Variants in DGAT1 observed in about 807,000 individuals in gnomAD.
The protein encoded by DGAT1 is ACAT related gene product 1.
DGAT1 carries 60 observed loss-of-function variants against 72.6 expected under a neutral mutation model. The ratio of observed to expected loss-of-function variants is 0.83; its 90% CI spans 0.67 to 1.02. The LOEUF (loss-of-function observed/expected upper bound fraction) is 1.02, where lower values mean the gene tolerates loss of function less well. Among genes scored for constraint, DGAT1 ranks in the 50% least tolerant of loss-of-function variants. The pLI, the probability that DGAT1 is intolerant of heterozygous loss-of-function variation, is 0.00. For synonymous variants in DGAT1, 290 were observed against 267.5 expected, an observed-to-expected ratio of 1.08 and a Z score of -0.82; for missense variants, 592 against 670.0, an observed-to-expected ratio of 0.88 and a Z score of 1.29.
intron 7 of DGAT1, 44 bp from the exon 8 acceptor site, chr8:144,318,213 G>A (rs1796192323): frequency 6.2e-7 from 1 of 1,609,212 alleles, no homozygotes; most frequent in African/African-American, 1.3e-5. Context: ...GGGCCCTGCT[G>A]CTGCCCAGCC....
rs544680288 is a variant in DGAT1 at position 144,315,720 on chromosome 8, G to T, written c.*834C>A. On this transcript the variant is annotated 3_prime_UTR_variant, in exon 17 of 17. Coordinates refer to ENST00000528718, the MANE Select transcript of DGAT1 (RefSeq NM_012079.6). ...GCCAGAAGAGCAGAGGGCAAGGCAG[G>T]CCTGGGGATCAGGGGTGCCCCAACC... The T allele has an allele frequency of 2.3e-5, 21 of 915,356 alleles. No homozygotes were observed. The Admixed American group carries it at 1.3e-3, about 56-fold the overall frequency. 56.7% of individuals were successfully genotyped at this position (915,356 alleles called of 1,614,324 possible). A position where few individuals can be genotyped will look rare whatever the true frequency, so the allele number is the denominator to read the frequency against.
At chr8:144,322,331 C>G (rs1475036755) in intron 1 of DGAT1, among the ~76,000 whole-genome samples, 1 of 152,242 alleles carries the variant, frequency 6.6e-6, no homozygotes, top group African/African-American at 2.4e-5. Context: ...TGCCGTGCCA[C>G]TGGGACACCA....
chr8:144,317,305 C>T, intron 13 of DGAT1, 28 bp downstream of exon 13: 1 of 1,613,016 alleles, frequency 6.2e-7, no homozygotes, highest in Non-Finnish European at 8.5e-7. Context: ...CCCATCCCAG[C>T]CCCCAGGGAC....
intron 2 of DGAT1, among the ~76,000 whole-genome samples, chr8:144,319,394 C>T (rs1157232748): frequency 2.0e-5 from 3 of 152,220 alleles, no homozygotes; most frequent in Non-Finnish European, 4.4e-5. Context: ...CTGATCTGCT[C>T]ACATCCCTCC....
rs782276475 is a variant in DGAT1 at position 144,317,723 on chromosome 8, G to T, written c.895-11C>A. 1 of 1,613,734 alleles carries T rather than the reference G, an allele frequency of 6.2e-7. No homozygotes were observed. The highest frequency in any genetic ancestry group is 8.5e-7 in the Non-Finnish European group (1 of 1,179,940). ...GGTGGGGACCATCCACTGCAAAGGA[G>T]GGCACCACGTCAGCTCCCAGCCATG... is the stretch of plus-strand genomic sequence containing the variant. On this transcript the variant is annotated splice_polypyrimidine_tract_variant and intron_variant, in intron 10 of 16. Transcript: ENST00000528718.
chr8:144,314,685 G>A lies in DGAT1; in HGVS notation c.*1869C>T. On this transcript the variant is annotated 3_prime_UTR_variant, in exon 17 of 17. Coordinates refer to ENST00000528718, the MANE Select transcript of DGAT1 (RefSeq NM_012079.6). ...ATACACACAGTGGATGGACGGACAA[G>A]ACAGGCAGAGATCTATAAACAGACA... 1 of 286,682 alleles carries A rather than the reference G, an allele frequency of 3.5e-6. No homozygotes were observed. The highest frequency in any genetic ancestry group is 6.7e-6 in the Non-Finnish European group (1 of 148,856). 17.8% of individuals were successfully genotyped at this position (286,682 alleles called of 1,614,324 possible). A position where few individuals can be genotyped will look rare whatever the true frequency, so the allele number is the denominator to read the frequency against.
chr8:144,322,562 C>G (rs1554848309), intron 1 of DGAT1, among the ~76,000 whole-genome samples: 1 of 152,194 alleles, frequency 6.6e-6, no homozygotes, highest in Non-Finnish European at 1.5e-5. Flanking sequence ...AGGCAAAGGG[C>G]CAGGGAGGCC....
Position 144,316,864 on chromosome 8 carries a change from T to G in DGAT1, c.1300A>C (p.Met434Leu). 6.2e-7 allele frequency: 1 copy of G among 1,610,798 alleles called. No homozygotes were observed. The highest frequency in any genetic ancestry group is 8.5e-7 in the Non-Finnish European group (1 of 1,179,152). Reference sequence around the variant, plus strand: ...TGGGGGTCACTCACCTGAGCCATCATGCCCGTGAACGCCCAGAGGCGGAAC... The same window carrying G: ...TGGGGGTCACTCACCTGAGCCATCAGGCCCGTGAACGCCCAGAGGCGGAAC... ...RMFRLWAFTG[M>L]MAQIPLAWFV... The change falls in exon 16 of 17, where the codon ATG becomes CTG. Residue 434 changes from methionine to leucine, a missense_variant. Met to Leu is a conservative substitution (Grantham distance 15). Transcript: ENST00000528718.
At position 144,315,605 on chromosome 8, in the gene DGAT1, C is replaced by A. The variant is rs782510604; in HGVS notation, c.*949G>T. The A allele has an allele frequency of 2.6e-5, 26 of 985,638 alleles. No individual in the cohort carries two copies. The highest frequency in any genetic ancestry group is 3.1e-5 in the Non-Finnish European group (26 of 830,072). The allele number at this position is 985,638 out of a possible 1,614,324, so 61.1% of individuals were successfully genotyped here. A position where few individuals can be genotyped will look rare whatever the true frequency, so the allele number is the denominator to read the frequency against. ...ACCTCCCGCTACCATCAAGGGGGGCCCCATCTATCCAGCTTGGTGGATTGC... is the reference window on the plus strand; with the variant it reads ...ACCTCCCGCTACCATCAAGGGGGGCACCATCTATCCAGCTTGGTGGATTGC... On this transcript the variant is annotated 3_prime_UTR_variant, in exon 17 of 17. Coordinates refer to ENST00000528718, the MANE Select transcript of DGAT1 (RefSeq NM_012079.6).
chr8:144,318,087 G>A lies in DGAT1; in HGVS notation c.751+8C>T, dbSNP rs200287520. The A allele has an allele frequency of 5.2e-6, 8 of 1,526,684 alleles. No individual in the cohort carries two copies. Among genetic ancestry groups the A allele is most frequent in the Non-Finnish European group, 7.0e-6 (8 of 1,138,154 alleles). The allele number at this position is 1,526,684 out of a possible 1,614,324, so 94.6% of individuals were successfully genotyped here. A position where few individuals can be genotyped will look rare whatever the true frequency, so the allele number is the denominator to read the frequency against. On this transcript the variant is annotated splice_region_variant and intron_variant, in intron 8 of 16. Transcript: ENST00000528718. ...TCCCCCGCACCTCAGGCCCACAGAG[G>A]TCCTCACCGCGGTAGGTCAGATTGT... is the stretch of plus-strand genomic sequence containing the variant.
chr8:144,321,938 C>T (rs542736090), intron 1 of DGAT1, among the ~76,000 whole-genome samples: 1 of 152,360 alleles, frequency 6.6e-6, no homozygotes, highest in South Asian at 2.1e-4. Context: ...AGGCCAGGCG[C>T]CAGCCACACA....
Position 144,316,069 on chromosome 8 carries a change from G to A in DGAT1, c.*485C>T. 2.8e-6 allele frequency: 1 copy of A among 362,342 alleles called. No individual in the cohort carries two copies. The highest frequency in any genetic ancestry group is 3.9e-6 in the Non-Finnish European group (1 of 256,748). The allele number at this position is 362,342 out of a possible 1,614,324, so 22.4% of individuals were successfully genotyped here. ...CGCACACCCAGCAGGAGTAGCACCA[G>A]GAGAGGACGCCTGAGCTGAGCTTTT... On this transcript the variant is annotated 3_prime_UTR_variant, in exon 17 of 17. Transcript: ENST00000528718.
In DGAT1 at chr8:144,326,574, G is replaced by A. The variant is rs1195695090; in HGVS notation, c.63C>T (p.Gly21=). The A allele has an allele frequency of 5.6e-6, 7 of 1,248,332 alleles. No homozygotes were observed. In the East Asian group the frequency reaches 1.3e-4, roughly 24 times the overall value. The allele number at this position is 1,248,332 out of a possible 1,614,324, so 77.3% of individuals were successfully genotyped here. A position where few individuals can be genotyped will look rare whatever the true frequency, so the allele number is the denominator to read the frequency against. ...CCTCTTCCGCCGCCGCAGGCCCGCC[G>A]CCGCCGTGGCTCGAGGGCCGCGACC... ...RTGSRPSSHG[G]GGPAAAEEEV... is the part of the protein sequence containing the mutation. Residue 21 remains glycine (G), a synonymous_variant, in exon 1 of 17, where the codon GGC becomes GGT. Transcript: ENST00000528718.
At chr8:144,324,250 G>A (rs1387257658) in intron 1 of DGAT1, among the ~76,000 whole-genome samples, 3 of 152,072 alleles carry the variant, frequency 2.0e-5, no homozygotes, top group Admixed American at 1.3e-4. Flanking sequence ...GAGGAGGCCC[G>A]AGCTCAAGGA....
rs1326468776 is a variant in DGAT1, at chr8:144,326,456, T to C, written c.181A>G (p.Ser61Gly). ...PNKDGDAGVG[S>G]GHWELRCHRL... Reference sequence around the variant, plus strand: ...CGCTACCTCAGCTCCCAGTGGCCGCTGCCCACGCCGGCGTCTCCGTCCTTG... The same window carrying C: ...CGCTACCTCAGCTCCCAGTGGCCGCCGCCCACGCCGGCGTCTCCGTCCTTG... The change falls in exon 1 of 17, where the codon AGC (serine) becomes GGC (glycine). Residue 61 changes from serine to glycine, a missense_variant. Physicochemically the swap from Ser to Gly is moderately conservative, Grantham distance 56 (BLOSUM62 0). Transcript: ENST00000528718. 7.4e-7 allele frequency: 1 copy of C among 1,355,994 alleles called. No individual in the cohort carries two copies. The highest frequency in any genetic ancestry group is 9.6e-7 in the Non-Finnish European group (1 of 1,044,028). 84.0% of individuals were successfully genotyped at this position (1,355,994 alleles called of 1,614,324 possible). A position where few individuals can be genotyped will look rare whatever the true frequency, so the allele number is the denominator to read the frequency against.
At chr8:144,320,436 T>C (rs1817416279) in intron 2 of DGAT1, among the ~76,000 whole-genome samples, 1 of 152,138 alleles carries the variant, frequency 6.6e-6, no homozygotes, top group Non-Finnish European at 1.5e-5. Flanking sequence ...GGGAACCTTC[T>C]AGGACCATGG....
At chr8:144,324,397 G>A (rs1401981029) in intron 1 of DGAT1, among the ~76,000 whole-genome samples, 2 of 152,184 alleles carry the variant, frequency 1.3e-5, no homozygotes, top group East Asian at 1.9e-4. Context: ...AAGGCCTGAC[G>A]CAGACAGCAG....
intron 1 of DGAT1, among the ~76,000 whole-genome samples, chr8:144,325,320 CT>C (rs1817571525): frequency 6.6e-6 from 1 of 152,172 alleles, no homozygotes; most frequent in African/African-American, 2.4e-5. Flanking sequence ...TGCTCCATGC[CT>C]GACTCTCGCT....
In DGAT1 at chr8:144,317,411, T is replaced by C. The variant is rs782372012; in HGVS notation, c.1016A>G (p.Tyr339Cys). ...ATTCAGGCAGGAGTGGAAGAGCCAGTAGAAGAAGATGAGCCAGATGAGGTG... is the reference window on the plus strand; with the variant it reads ...ATTCAGGCAGGAGTGGAAGAGCCAGCAGAAGAAGATGAGCCAGATGAGGTG... ...PNHLIWLIFF[Y>C]WLFHSCLNAV... The change falls in exon 13 of 17, where the codon TAC becomes TGC. Residue 339 changes from tyrosine to cysteine, a missense_variant. Tyr to Cys is a radical substitution (Grantham distance 194). Coordinates refer to ENST00000528718, the MANE Select transcript of DGAT1 (RefSeq NM_012079.6). 1 of 1,613,744 alleles carries C rather than the reference T, an allele frequency of 6.2e-7. No homozygotes were observed. Among genetic ancestry groups the C allele is most frequent in the Non-Finnish European group, 8.5e-7 (1 of 1,179,972 alleles).
Sources: gnomAD v4.1 joint callset for allele counts (sites outside exome capture counted in the v4.1 genomes callset) on GRCh38, gnomAD v4.1.1 for gene constraint, MANE v1.5 for transcripts, NCBI Gene and HGNC (gene_info 2026-07-23, HGNC 2026-07-21) for gene names.